PCDHGB1: variants seen among roughly 807,000 people sequenced by gnomAD.
The protein encoded by PCDHGB1 is protocadherin gamma-B1.
Under a neutral mutation model 56.6 loss-of-function variants are expected in PCDHGB1, and 34 were observed. The ratio of observed to expected loss-of-function variants is 0.60; its 90% CI spans 0.46 to 0.80. The LOEUF is 0.80. Among genes scored for constraint, PCDHGB1 ranks in the 30% least tolerant of loss-of-function variants. The pLI, the probability that PCDHGB1 is intolerant of heterozygous loss-of-function variation, is 0.00. For missense variants in PCDHGB1, 1,278 were observed against 1,204.6 expected (o/e 1.06, Z -0.90); for synonymous variants, 561 against 505.9 (o/e 1.11, Z -1.46).
intron 1 of PCDHGB1, chr5:141,417,942 C>T (rs1324501154): frequency 2.5e-6 from 4 of 1,613,090 alleles, no homozygotes; most frequent in South Asian, 1.1e-5. Context: ...TTCTACCCCA[C>T]GCTGTGTGAG....
intron 1 of PCDHGB1, chr5:141,371,107 A>AC (rs1370451724): frequency 5.0e-6 from 8 of 1,613,532 alleles, no homozygotes; most frequent in East Asian, 2.2e-5. Flanking sequence ...GCAAATGATA[A>AC]CCCCCCAGTA....
intron 1 of PCDHGB1, chr5:141,357,622 G>C: frequency 3.1e-6 from 5 of 1,613,672 alleles, no homozygotes; most frequent in Non-Finnish European, 4.2e-6. Flanking sequence ...TAATCTTCAG[G>C]TGAGTCAATC....
chr5:141,417,766 C>T (rs564920153), intron 1 of PCDHGB1: 7 of 1,442,472 alleles, frequency 4.9e-6, no homozygotes, highest in African/African-American at 4.3e-5. Context: ...AGACCCGGGA[C>T]TCCTCCTGTC....
intron 3 of PCDHGB1, chr5:141,507,274 C>T (rs1000866082): frequency 1.3e-5 from 2 of 151,532 alleles, no homozygotes; most frequent in Non-Finnish European, 2.9e-5. Context: ...ACTATTTCAG[C>T]ATAAGTCAGT....
intron 1 of PCDHGB1, among the ~76,000 whole-genome samples, chr5:141,425,078 G>A (rs1196415752): frequency 3.9e-5 from 6 of 152,112 alleles, no homozygotes; most frequent in Admixed American, 6.5e-5. Flanking sequence ...AATTTCAACT[G>A]TAGGAAAGGC....
intron 1 of PCDHGB1, chr5:141,398,655 A>G (rs760602313): frequency 3.1e-6 from 5 of 1,614,034 alleles, no homozygotes; most frequent in Non-Finnish European, 4.2e-6. Context: ...CTCTTAACCC[A>G]AGTTTCTCAT....
At chr5:141,375,934 C>T in intron 1 of PCDHGB1, 3 of 1,613,738 alleles carry the variant, frequency 1.9e-6, no homozygotes, top group Non-Finnish European at 2.5e-6. Context: ...CAGGACTTTT[C>T]TCAGTGGGCC....
At chr5:141,419,261 G>C (rs758952830) in intron 1 of PCDHGB1, 16 of 1,613,982 alleles carry the variant, frequency 9.9e-6, no homozygotes, top group Non-Finnish European at 1.3e-5. Context: ...CAACCAGCCG[G>C]GTGCCTCCAT....
chr5:141,389,284 C>A, intron 1 of PCDHGB1: 1 of 1,614,048 alleles, frequency 6.2e-7, no homozygotes, highest in Non-Finnish European at 8.5e-7. Flanking sequence ...CCGCCTGGAG[C>A]CTCTATTTCA....
chr5:141,478,612 G>A (rs1311028260), intron 1 of PCDHGB1: 2 of 1,558,218 alleles, frequency 1.3e-6, no homozygotes, highest in African/African-American at 1.4e-5. Flanking sequence ...TATTGAGGAA[G>A]GAATGGAGCT....
chr5:141,383,038 G>A (rs1778741644), intron 1 of PCDHGB1: 1 of 1,613,858 alleles, frequency 6.2e-7, no homozygotes. Context: ...CTTTGTGGGA[G>A]ACATCGCCAA....
intron 1 of PCDHGB1, among the ~76,000 whole-genome samples, chr5:141,406,301 A>C (rs1447923303): frequency 6.6e-6 from 1 of 151,966 alleles, no homozygotes; most frequent in Non-Finnish European, 1.5e-5. Context: ...TGAGGTGTGA[A>C]CCACCTCACC....
chr5:141,435,838 C>T (rs1037110579), intron 1 of PCDHGB1, among the ~76,000 whole-genome samples: 1 of 152,062 alleles, frequency 6.6e-6, no homozygotes, highest in Non-Finnish European at 1.5e-5. Context: ...TGCCTATCTA[C>T]TTTGAAAGAT....
In PCDHGB1 at chr5:141,430,862, G is replaced by A. The variant is rs1365140768; in HGVS notation, c.2410-63945G>A. ...CGGATGCACCCAGATACGCTATTCA[G>A]TTCCGGAAGAGCTGGAGAAAGGCTC... is the stretch of plus-strand genomic sequence containing the variant. On this transcript the variant is annotated intron_variant, in intron 1 of 3. Transcript: ENST00000523390. 3 of 1,594,672 alleles carry A rather than the reference G, an allele frequency of 1.9e-6. No individual in the cohort carries two copies. The African/African-American group carries it at 4.0e-5, about 21-fold the overall frequency.
intron 1 of PCDHGB1, chr5:141,392,917 T>C: frequency 2.5e-6 from 4 of 1,613,922 alleles, no homozygotes; most frequent in Non-Finnish European, 3.4e-6. Context: ...CGCTACTCTG[T>C]GCCAGAAGAG....
At chr5:141,370,444 T>C in intron 1 of PCDHGB1, 2 of 1,607,792 alleles carry the variant, frequency 1.2e-6, no homozygotes, top group Non-Finnish European at 1.7e-6. Context: ...AGGCGAATGC[T>C]ATTTCTCTTC....
At chr5:141,423,367 G>A (rs1478466218) in intron 1 of PCDHGB1, 2 of 1,614,068 alleles carry the variant, frequency 1.2e-6, no homozygotes, top group Admixed American at 1.7e-5. Context: ...CGTGCTGCTG[G>A]CACTCAGGCT....
chr5:141,385,690 G>A (rs1308061047), intron 1 of PCDHGB1: 1 of 326,260 alleles, frequency 3.1e-6, no homozygotes, highest in African/African-American at 2.2e-5. Context: ...GTCTTCTCAG[G>A]ATTCTCTTTA....
chr5:141,362,843 G>A (rs1762701976), intron 1 of PCDHGB1, among the ~76,000 whole-genome samples: 1 of 152,134 alleles, frequency 6.6e-6, no homozygotes, highest in Admixed American at 6.5e-5. Flanking sequence ...GAGACTTTAG[G>A]CAATTAGTTT....
Sources: gnomAD v4.1 joint callset for allele counts (sites outside exome capture counted in the v4.1 genomes callset) on GRCh38, gnomAD v4.1.1 for gene constraint, MANE v1.5 for transcripts, NCBI Gene and HGNC (gene_info 2026-07-23, HGNC 2026-07-21) for gene names.